Variants in SLC29A2 observed in about 807,000 individuals in gnomAD.
SLC29A2 encodes the protein equilibrative nucleoside transporter 2.
A neutral mutation model predicts 48.8 loss-of-function variants in SLC29A2; 37 were observed. The ratio of observed to expected loss-of-function variants is 0.76; its 90% CI spans 0.58 to 1.00. SLC29A2 has a LOEUF of 1.00. SLC29A2 is among the 50% of genes least tolerant of loss of function. The pLI, the probability that SLC29A2 is intolerant of heterozygous loss-of-function variation, is 0.00. For missense variants in SLC29A2, 533 were observed against 578.6 expected, an observed-to-expected ratio of 0.92 and a Z score of 0.81; for synonymous variants, 233 against 261.7, an observed-to-expected ratio of 0.89 and a Z score of 1.06.
At chr11:66,363,629 T>C (rs1219787678) in intron 11 of SLC29A2, 82 bp from the exon 12 acceptor site, 3 of 1,045,298 alleles carry the variant, frequency 2.9e-6, no homozygotes, top group Non-Finnish European at 4.4e-6. Context: ...GCCCATCCAG[T>C]CTGGGCTCTG....
In SLC29A2 at chr11:66,367,455, A is replaced by G. The variant is rs1182441281; in HGVS notation, c.733+9T>C. The stretch of plus-strand genomic sequence containing the variant: ...TCTCCCACCTCCCCAGGAGGGTCTC[A>G]GGGCTTACCAGACTGGAGGAGCTCA... On this transcript the variant is annotated intron_variant, in intron 7 of 11. Transcript: ENST00000357440. The G allele has an allele frequency of 1.9e-6, 3 of 1,613,068 alleles. No homozygotes were observed. Among genetic ancestry groups the G allele is most frequent in the East Asian group, 2.2e-5 (1 of 44,868 alleles).
At chr11:66,363,724 G>A in intron 11 of SLC29A2, 177 bp from the exon 12 acceptor site, 1 of 641,766 alleles carries the variant, frequency 1.6e-6, no homozygotes, top group East Asian at 2.8e-5. Context: ...GGATAAGGAT[G>A]TCTCTCAGGG....
In SLC29A2 at chr11:66,369,169, G is replaced by A; in HGVS notation, c.306C>T (p.Ser102=). The A allele has an allele frequency of 1.9e-6, 3 of 1,577,486 alleles. No homozygotes were observed. The highest frequency in any genetic ancestry group is 2.6e-6 in the Non-Finnish European group (3 of 1,162,008). ...CAAAGAGCAGCAGTATGGCCAGCAG[G>A]CTGCCCAGAATGCGCACCGTCTCCG... The part of the protein sequence containing the change: ...CVPETVRILG[S]LLAILLLFAL... The change falls in exon 4 of 12, where the codon AGC becomes AGT. Residue 102 remains serine (S), a synonymous_variant. Coordinates refer to ENST00000357440, the MANE Select transcript of SLC29A2 (RefSeq NM_001532.3).
intron 7 of SLC29A2, among the ~76,000 whole-genome samples, chr11:66,366,811 T>C (rs989103167): frequency 6.6e-6 from 1 of 152,124 alleles, no homozygotes; most frequent in Non-Finnish European, 1.5e-5. Context: ...TAGCCGGGCA[T>C]GGCAGCCTGC....
Position 66,364,288 on chromosome 11 carries a change from A to G in SLC29A2, c.1196T>C (p.Phe399Ser). Reference sequence around the variant, plus strand: ...ATTAGAAACGGCAAAGAGCAGCATGAAGGTGATGAAGTAGGCATCCTGTGG... The same window carrying G: ...ATTAGAAACGGCAAAGAGCAGCATGGAGGTGATGAAGTAGGCATCCTGTGG... Reference protein sequence around the residue: ...LFPQDAYFITFMLLFAVSNGY... With the variant: ...LFPQDAYFITSMLLFAVSNGY... Residue 399 changes from phenylalanine to serine, a missense_variant, in exon 11 of 12, where the codon TTC becomes TCC. By Grantham distance (155) the Phe-to-Ser change is radical. Transcript: ENST00000357440. The G allele has an allele frequency of 6.2e-7, 1 of 1,613,442 alleles. No individual in the cohort carries two copies. The highest frequency in any genetic ancestry group is 8.5e-7 in the Non-Finnish European group (1 of 1,179,738).
At position 66,364,266 on chromosome 11, in the gene SLC29A2, A is replaced by G. The variant is rs753343988; in HGVS notation, c.1218T>C (p.Ser406=). The G allele has an allele frequency of 9.9e-6, 16 of 1,613,590 alleles. No homozygotes were observed. The highest frequency in any genetic ancestry group is 3.3e-4 in the Middle Eastern group (2 of 6,084). The part of the protein sequence containing the change: ...FITFMLLFAV[S]NGYLVSLTMC... ...TGGTGAGGGACACCAGGTAGCCATT[A>G]GAAACGGCAAAGAGCAGCATGAAGG... Residue 406 remains serine, a synonymous_variant, in exon 11 of 12, where the codon TCT becomes TCC. Coordinates refer to ENST00000357440, the MANE Select transcript of SLC29A2 (RefSeq NM_001532.3).
In SLC29A2 at chr11:66,362,725, A is replaced by C. The variant is rs1855452919; in HGVS notation, c.*711T>G. The C allele has an allele frequency of 6.6e-6, 1 of 152,534 alleles. No individual in the cohort carries two copies. The highest frequency in any genetic ancestry group is 2.4e-5 in the African/African-American group (1 of 41,442). 9.4% of individuals were successfully genotyped at this position (152,534 alleles called of 1,614,324 possible). A position where few individuals can be genotyped will look rare whatever the true frequency, so the allele number is the denominator to read the frequency against. ...GGACCAGTCACTTTCCCCAGGACTC[A>C]GTTTTGTCACCTGTATAATGGGGGA... On this transcript the variant is annotated 3_prime_UTR_variant, in exon 12 of 12. Transcript: ENST00000357440.
rs373306170 is a variant in SLC29A2, at chr11:66,367,769, C to A, written c.648+3G>T. On this transcript the variant is annotated splice_donor_region_variant and intron_variant, in intron 6 of 11. Transcript: ENST00000357440. ...GGGGCCTCGAGCCCAACAGCAGGCT[C>A]ACCAGGTGAGGCAGGCTCAGGTAAC... The A allele has an allele frequency of 2.5e-6, 4 of 1,613,640 alleles. No homozygotes were observed. The African/African-American group carries it at 5.3e-5, about 22-fold the overall frequency.
rs1449890145 is a variant in SLC29A2, at chr11:66,362,916, T to G, written c.*520A>C. 2 of 205,844 alleles carry G rather than the reference T, an allele frequency of 9.7e-6. No individual in the cohort carries two copies. The highest frequency in any genetic ancestry group is 2.4e-4 in the East Asian group (2 of 8,246). The allele number at this position is 205,844 out of a possible 1,614,324, so 12.8% of individuals were successfully genotyped here. ...CTCTGCGGAGTGGGTACAGTAAGTG[T>G]TGGCAATGAAAACACTGCTTGAGGC... On this transcript the variant is annotated 3_prime_UTR_variant, in exon 12 of 12. Transcript: ENST00000357440.
At chr11:66,371,532 G>C (rs1391057636) in intron 1 of SLC29A2, 31 bp downstream of exon 1, 3 of 1,549,854 alleles carry the variant, frequency 1.9e-6, no homozygotes, top group Non-Finnish European at 2.6e-6. Flanking sequence ...CAACGCCCCC[G>C]GCCACTTGCA....
Position 66,369,135 on chromosome 11 carries a change from C to T in SLC29A2, c.340G>A (p.Ala114Thr), listed in dbSNP as rs771251367. ...CTCATGTCCACCTTGACCAGCGCTG[C>T]TGTCAGGGCAAAGAGCAGCAGTATG... ...LAILLLFALT[A>T]ALVKVDMSPG... Residue 114 changes from alanine (A) to threonine (T), a missense_variant, in exon 4 of 12, where the codon GCA (alanine) becomes ACA (threonine). By Grantham distance (58) the Ala-to-Thr change is moderately conservative. Transcript: ENST00000357440. 1.3e-6 allele frequency: 2 copies of T among 1,586,736 alleles called. No individual in the cohort carries two copies. Among genetic ancestry groups the T allele is most frequent in the Admixed American group, 1.8e-5 (1 of 55,644 alleles).
rs775916697 is a variant in SLC29A2 at position 66,367,873 on chromosome 11, C to T, written c.551-4G>A. On this transcript the variant is annotated splice_region_variant and splice_polypyrimidine_tract_variant and intron_variant, in intron 5 of 11. Coordinates refer to ENST00000357440, the MANE Select transcript of SLC29A2 (RefSeq NM_001532.3). The stretch of plus-strand genomic sequence containing the variant: ...GAGGTCTCGGCGTCCACGCCACCTG[C>T]GGAGGAACTTCAGCTGCAGAAGAGA... 21 of 1,613,260 alleles carry T rather than the reference C, an allele frequency of 1.3e-5. No homozygotes were observed. Among genetic ancestry groups the T allele is most frequent in the Admixed American group, 3.3e-5 (2 of 59,950 alleles).
Position 66,367,781 on chromosome 11 carries a change from C to T in SLC29A2, c.639G>A (p.Leu213=). ...CCAACAGCAGGCTCACCAGGTGAGG[C>T]AGGCTCAGGTAACACACGATGGACA... ...ILMSIVCYLS[L]PHLKFARYYL... is the part of the protein sequence containing the mutation. The change falls in exon 6 of 12, where the codon CTG becomes CTA. Residue 213 remains leucine (L), a synonymous_variant. Transcript: ENST00000357440. 6.2e-7 allele frequency: 1 copy of T among 1,614,062 alleles called. No individual in the cohort carries two copies. Among genetic ancestry groups the T allele is most frequent in the Non-Finnish European group, 8.5e-7 (1 of 1,179,892 alleles).
chr11:66,366,641 T>G (rs1361613807), intron 7 of SLC29A2, 77 bp from the exon 8 acceptor site: 4 of 1,525,226 alleles, frequency 2.6e-6, no homozygotes, highest in Middle Eastern at 2.3e-4. Flanking sequence ...GAAGGGAGAT[T>G]CCCAGCAGTT....
chr11:66,363,542 A>G lies in SLC29A2; in HGVS notation c.1265T>C (p.Val422Ala), dbSNP rs1385008421. The G allele has an allele frequency of 2.5e-6, 4 of 1,611,728 alleles. No individual in the cohort carries two copies. The highest frequency in any genetic ancestry group is 2.5e-6 in the Non-Finnish European group (3 of 1,178,742). The change falls in exon 12 of 12, where the codon GTG becomes GCG. Residue 422 changes from valine to alanine, a missense_variant. Coordinates refer to ENST00000357440, the MANE Select transcript of SLC29A2 (RefSeq NM_001532.3). The stretch of plus-strand genomic sequence containing the variant: ...GGCCACCTCCCTCTCGTGTGGCAGC[A>G]CCTGCCTAGAACACCCGGGAACAGG... ...SLTMCLAPRQ[V>A]LPHEREVAGA...
In SLC29A2 at chr11:66,368,557, G is replaced by T. The variant is rs1239621015; in HGVS notation, c.530C>A (p.Ala177Asp). The T allele has an allele frequency of 6.2e-7, 1 of 1,613,418 alleles. No individual in the cohort carries two copies. Reference protein sequence around the residue: ...QGLAGIFAALAMLLSMASGVD... With the variant: ...QGLAGIFAALDMLLSMASGVD... ...CTCACTGGCCATGGACAGGAGCATG[G>T]CAAGGGCAGCAAAGATCCCAGCCAG... Residue 177 changes from alanine (A) to aspartate (D), a missense_variant, in exon 5 of 12, where the codon GCC (alanine) becomes GAC (aspartate). Ala to Asp is a moderately radical substitution (Grantham distance 126). Coordinates refer to ENST00000357440, the MANE Select transcript of SLC29A2 (RefSeq NM_001532.3).
At position 66,369,968 on chromosome 11, in the gene SLC29A2, G is replaced by A. The variant is rs181356600; in HGVS notation, c.112-436C>T. On this transcript the variant is annotated intron_variant, in intron 2 of 11. Coordinates refer to ENST00000357440, the MANE Select transcript of SLC29A2 (RefSeq NM_001532.3). ...TAACCTCCTCACTCCTCAACACCCC[G>A]ATTCATGCCTCCCTATTGCCTGCAG... is the stretch of plus-strand genomic sequence containing the variant. Among the ~76,000 whole-genome samples, 1,169 of 152,306 alleles carry A rather than the reference G, an allele frequency of 7.7e-3. 47 individuals are homozygous for A. Among genetic ancestry groups the A allele is most frequent in the Admixed American group, 0.068 (1,037 of 15,294 alleles).
At chr11:66,371,836 C>T, upstream of SLC29A2, 1 of 555,504 alleles carries the variant, frequency 1.8e-6, no homozygotes, top group Non-Finnish European at 3.2e-6. Flanking sequence ...CTCCTTCCCC[C>T]ACCCGCCTCA....
chr11:66,363,343 G>T lies in SLC29A2; in HGVS notation c.*93C>A. 9.8e-7 allele frequency: 1 copy of T among 1,023,674 alleles called. No homozygotes were observed. Among genetic ancestry groups the T allele is most frequent in the Non-Finnish European group, 1.5e-6 (1 of 661,166 alleles). 63.4% of individuals were successfully genotyped at this position (1,023,674 alleles called of 1,614,324 possible). A position where few individuals can be genotyped will look rare whatever the true frequency, so the allele number is the denominator to read the frequency against. On this transcript the variant is annotated 3_prime_UTR_variant, in exon 12 of 12. Transcript: ENST00000357440. Reference sequence around the variant, plus strand: ...GCCCAGGGGCCTCCACCCCGCAGAGGCCTGAGCCAAGCTCGCCATTCGCCC... The same window carrying T: ...GCCCAGGGGCCTCCACCCCGCAGAGTCCTGAGCCAAGCTCGCCATTCGCCC...
Sources: allele counts gnomAD v4.1 joint callset (sites outside exome capture counted in the v4.1 genomes callset), GRCh38; gene constraint gnomAD v4.1.1; transcripts MANE v1.5; gene names NCBI Gene and HGNC (gene_info 2026-07-23, HGNC 2026-07-21).